LPCAT3: variants seen among roughly 807,000 people sequenced by gnomAD.
LPCAT3 encodes the protein lysophospholipid acyltransferase 5.
Under a neutral mutation model 63.4 loss-of-function variants are expected in LPCAT3, and 21 were observed. That is an observed-to-expected ratio of 0.33 (90% CI 0.23 to 0.48). The LOEUF (loss-of-function observed/expected upper bound fraction) is 0.48. LPCAT3 is among the 20% of genes least tolerant of loss of function. The pLI is 0.99. For synonymous variants in LPCAT3, 242 were observed against 227.5 expected (o/e 1.06, Z -0.58); for missense variants, 451 against 590.6 (o/e 0.76, Z 2.45).
At chr12:7,006,588 C>T (rs1555156873) in intron 1 of LPCAT3, among the ~76,000 whole-genome samples, 1 of 152,182 alleles carries the variant, frequency 6.6e-6, no homozygotes, top group Non-Finnish European at 1.5e-5. Flanking sequence ...ATTTCCTATT[C>T]TTTCAGAGCA....
chr12:6,988,488 G>A (rs1946551094), intron 1 of LPCAT3: 1 of 152,224 alleles, frequency 6.6e-6, no homozygotes, highest in Non-Finnish European at 1.5e-5. Context: ...CTTCAGGGAT[G>A]TGCTGTTTTT....
At chr12:7,009,676 G>C (rs996681575) in intron 1 of LPCAT3, among the ~76,000 whole-genome samples, 1 of 152,186 alleles carries the variant, frequency 6.6e-6, no homozygotes, top group Non-Finnish European at 1.5e-5. Context: ...AGATGATCTT[G>C]GGTCAAGCAT....
intron 9 of LPCAT3, 97 bp downstream of exon 9, chr12:6,978,244 A>G (rs1416341772): frequency 1.3e-5 from 19 of 1,409,652 alleles, no homozygotes; most frequent in Non-Finnish European, 1.6e-5. Context: ...CCAGATGGGA[A>G]AGACGCATAG....
intron 5 of LPCAT3, 191 bp from the exon 6 acceptor site, chr12:6,981,373 A>G: frequency 1.5e-6 from 1 of 672,154 alleles, no homozygotes; most frequent in South Asian, 1.9e-5. Context: ...CTGCTTTAGC[A>G]AATGCCTTGC....
intron 1 of LPCAT3, among the ~76,000 whole-genome samples, chr12:6,995,024 A>G (rs1221713549): frequency 6.6e-6 from 1 of 151,774 alleles, no homozygotes; most frequent in East Asian, 1.9e-4. Context: ...CACATTTCCT[A>G]CTTCCTTGCT....
intron 3 of LPCAT3, 89 bp downstream of exon 3, chr12:6,982,587 G>GAC: frequency 1.6e-5 from 15 of 959,738 alleles, no homozygotes; most frequent in Non-Finnish European, 2.3e-5. Context: ...AATTAGGTCT[G>GAC]CTAATTTCTA....
At chr12:6,990,076 C>G (rs974546909) in intron 1 of LPCAT3, among the ~76,000 whole-genome samples, 12 of 151,754 alleles carry the variant, frequency 7.9e-5, no homozygotes, top group Non-Finnish European at 1.5e-5. Context: ...ACTTGAGAGG[C>G]TGAGGCAGGA....
At chr12:6,989,751 T>A (rs1946570027) in intron 1 of LPCAT3, among the ~76,000 whole-genome samples, 1 of 152,214 alleles carries the variant, frequency 6.6e-6, no homozygotes, top group South Asian at 2.1e-4. Context: ...AGGGACCAGA[T>A]CTATCACAAC....
At chr12:6,990,992 C>G (rs1555155455) in intron 1 of LPCAT3, among the ~76,000 whole-genome samples, 3 of 146,338 alleles carry the variant, frequency 2.1e-5, no homozygotes, top group African/African-American at 7.6e-5. Context: ...AAAATATTAA[C>G]AGTAAAACTA....
intron 1 of LPCAT3, among the ~76,000 whole-genome samples, chr12:6,997,660 C>T (rs1946649946): frequency 1.3e-5 from 2 of 150,984 alleles, no homozygotes; most frequent in African/African-American, 4.9e-5. Flanking sequence ...GATCTCGGCT[C>T]ACCGTAACCT....
At chr12:7,013,954 G>A (rs778258820) in intron 1 of LPCAT3, among the ~76,000 whole-genome samples, 2 of 152,324 alleles carry the variant, frequency 1.3e-5, no homozygotes, top group Non-Finnish European at 2.9e-5. Context: ...GTTCCAGCCT[G>A]ATTTTCCATC....
chr12:7,009,414 C>T (rs782496400), intron 1 of LPCAT3, among the ~76,000 whole-genome samples: 12 of 152,226 alleles, frequency 7.9e-5, no homozygotes, highest in East Asian at 3.9e-4. Flanking sequence ...AAATAGGCAC[C>T]GGAAGAAATA....
At position 6,987,941 on chromosome 12, in the gene LPCAT3, T is replaced by C; in HGVS notation, c.152-4402A>G. On this transcript the variant is annotated intron_variant, in intron 1 of 12. Coordinates refer to ENST00000261407, the MANE Select transcript of LPCAT3 (RefSeq NM_005768.6). This position sits in a 1 kb window ranked among gnomAD's most constrained non-coding sequence, Gnocchi z 4.1. ...GCCTGTCTGTCCCTTTCCTTGCTAC[T>C]CTGGGATCAACAGTCACCTCTTGAA... is the stretch of plus-strand genomic sequence containing the variant. 2.5e-6 allele frequency: 1 copy of C among 399,278 alleles called. No individual in the cohort carries two copies. The highest frequency in any genetic ancestry group is 4.4e-6 in the Non-Finnish European group (1 of 225,522). 24.7% of individuals were successfully genotyped at this position (399,278 alleles called of 1,614,324 possible). A position where few individuals can be genotyped will look rare whatever the true frequency, so the allele number is the denominator to read the frequency against.
chr12:6,994,873 T>A (rs1946624169), intron 1 of LPCAT3, among the ~76,000 whole-genome samples: 1 of 152,230 alleles, frequency 6.6e-6, no homozygotes, highest in African/African-American at 2.4e-5. Context: ...TAGATGTTGC[T>A]GACCCCCAGG....
chr12:7,016,908 T>C (rs1946800797), intron 1 of LPCAT3, among the ~76,000 whole-genome samples: 1 of 152,212 alleles, frequency 6.6e-6, no homozygotes, highest in Non-Finnish European at 1.5e-5. Flanking sequence ...AGGTGATCTT[T>C]ATTTGGAAGA....
intron 1 of LPCAT3, among the ~76,000 whole-genome samples, chr12:7,015,463 A>G (rs1555157527): frequency 6.6e-6 from 1 of 152,210 alleles, no homozygotes; most frequent in Non-Finnish European, 1.5e-5. Context: ...GTTACAATAC[A>G]CAGAAATGGT....
In LPCAT3 at chr12:7,018,471, G is replaced by A. The variant is rs1317204986; in HGVS notation, c.-47C>T. ...GGGACCCCCCAGCTCCGCGCGCCCC[G>A]AATGCGGGCAAAACGCTATCGCTTC... is the stretch of plus-strand genomic sequence containing the variant. On this transcript the variant is annotated 5_prime_UTR_variant, in exon 1 of 13. Transcript: ENST00000261407. The surrounding 1 kb of genome is among the most constrained non-coding windows in gnomAD (Gnocchi z 4.9). 3 of 1,494,484 alleles carry A rather than the reference G, an allele frequency of 2.0e-6. No individual in the cohort carries two copies. In the African/African-American group the frequency reaches 4.2e-5, roughly 21 times the overall value. The allele number at this position is 1,494,484 out of a possible 1,614,324, so 92.6% of individuals were successfully genotyped here.
intron 12 of LPCAT3, 96 bp from the exon 13 acceptor site, chr12:6,976,987 C>G (rs1591710136): frequency 1.6e-6 from 1 of 630,242 alleles, no homozygotes; most frequent in Non-Finnish European, 2.9e-6. Context: ...CTCAATAAGT[C>G]ACAGTAGTCA....
chr12:6,979,361 A>C (rs1555153768), intron 7 of LPCAT3, 110 bp downstream of exon 7: 1 of 793,550 alleles, frequency 1.3e-6, no homozygotes, highest in East Asian at 2.6e-5. Flanking sequence ...CAAAACCAAC[A>C]TGCACTTGTA....
Sources: allele counts gnomAD v4.1 joint callset (sites outside exome capture counted in the v4.1 genomes callset), GRCh38; gene constraint gnomAD v4.1.1; non-coding constraint Gnocchi (gnomAD v3.1); transcripts MANE v1.5; gene names NCBI Gene and HGNC (gene_info 2026-07-23, HGNC 2026-07-21).